The following KIF25 variants were observed in gnomAD, a reference collection of about 807,000 sequenced individuals.
KIF25 encodes the protein kinesin-like protein KIF25.
A neutral mutation model predicts 32.9 loss-of-function variants in KIF25; 19 were observed. The observed-to-expected ratio is 0.58, with a 90% CI of 0.40 to 0.85. The LOEUF is 0.85. KIF25 is among the 40% of genes least tolerant of loss of function. KIF25 has a pLI of 0.00. For synonymous variants in KIF25, 225 were observed against 213.7 expected, an observed-to-expected ratio of 1.05 and a Z score of -0.46; for missense variants, 485 against 507.0, an observed-to-expected ratio of 0.96 and a Z score of 0.42.
chr6:167,998,807 T>A lies in KIF25; in HGVS notation c.-662T>A, dbSNP rs896424437. On this transcript the variant is annotated 5_prime_UTR_variant, in exon 1 of 13. Coordinates refer to ENST00000643607, the MANE Select transcript of KIF25 (RefSeq NM_030615.4). ...TGGCTCATGCCTATAATCCCAGAAC[T>A]TTGGGAGGCCGAGGCGGGCGCATTA... 5 of 152,258 alleles carry A rather than the reference T, an allele frequency of 3.3e-5. No individual in the cohort carries two copies. The highest frequency in any genetic ancestry group is 1.9e-4 in the East Asian group (1 of 5,156). 9.4% of individuals were successfully genotyped at this position (152,258 alleles called of 1,614,324 possible).
At chr6:168,010,112 G>A (rs1430977003) in intron 4 of KIF25, among the ~76,000 whole-genome samples, 1 of 151,738 alleles carries the variant, frequency 6.6e-6, no homozygotes, top group South Asian at 2.1e-4. Flanking sequence ...GGTTTGATTT[G>A]TTCTTGCTTT....
At chr6:168,043,802 C>G (rs183365061) in intron 12 of KIF25, among the ~76,000 whole-genome samples, 2 of 152,208 alleles carry the variant, frequency 1.3e-5, no homozygotes, top group African/African-American at 4.8e-5. Flanking sequence ...TTTTCCTCCC[C>G]CTTAGCTCTC....
intron 9 of KIF25, among the ~76,000 whole-genome samples, 187 bp downstream of exon 9, chr6:168,038,916 T>A (rs1256729682): frequency 6.6e-6 from 1 of 152,198 alleles, no homozygotes; most frequent in African/African-American, 2.4e-5. Context: ...TTTTCATGCT[T>A]CGTATGTGTT....
intron 5 of KIF25, among the ~76,000 whole-genome samples, chr6:168,023,488 G>A (rs898983123): frequency 7.9e-5 from 12 of 152,090 alleles, no homozygotes; most frequent in African/African-American, 2.7e-4. Flanking sequence ...AGCAGGTCTT[G>A]AACTCCTGAC....
At chr6:168,027,684 C>T (rs539370682) in intron 5 of KIF25, among the ~76,000 whole-genome samples, 13 of 152,248 alleles carry the variant, frequency 8.5e-5, no homozygotes, top group Non-Finnish European at 7.4e-5. Flanking sequence ...CCCGGACAGC[C>T]GCGTGGGCAA....
At position 168,004,598 on chromosome 6, in the gene KIF25, C is replaced by A. The variant is rs565948256; in HGVS notation, c.-163+895C>A. 2.6e-5 allele frequency among the ~76,000 whole-genome samples: 4 copies of A among 152,190 alleles called. No individual in the cohort carries two copies. In the South Asian group the frequency reaches 6.2e-4, roughly 24 times the overall value. On this transcript the variant is annotated intron_variant, in intron 4 of 12. Coordinates refer to ENST00000643607, the MANE Select transcript of KIF25 (RefSeq NM_030615.4). ...TCAACAAATGATAAAACTGGAAAAC[C>A]ATCATTTGAAACCCCCAATGAAATG... is the stretch of plus-strand genomic sequence containing the variant.
chr6:168,011,019 G>A (rs1450030625), intron 4 of KIF25, among the ~76,000 whole-genome samples: 1 of 152,090 alleles, frequency 6.6e-6, no homozygotes, highest in Non-Finnish European at 1.5e-5. Flanking sequence ...GGTGAGGTGA[G>A]TTTCTTGTAG....
At chr6:168,041,893 C>G (rs1799124481) in intron 10 of KIF25, 76 bp from the exon 11 acceptor site, 1 of 1,446,454 alleles carries the variant, frequency 6.9e-7, no homozygotes, top group Non-Finnish European at 9.4e-7. Flanking sequence ...AGCTTCTCGG[C>G]TCTGACTGAG....
At position 168,042,635 on chromosome 6, in the gene KIF25, G is replaced by C; in HGVS notation, c.904G>C (p.Val302Leu). 2 of 1,613,848 alleles carry C rather than the reference G, an allele frequency of 1.2e-6. No homozygotes were observed. The highest frequency in any genetic ancestry group is 2.2e-5 in the South Asian group (2 of 91,070). ...ISRSLAALAG[V>L]LGALLEHRGH... ...CCGCAGCCTTGCGGCCCTGGCAGGCGTCCTGGGGGCTTTGTTGGAGCACCG... is the reference window on the plus strand; with the variant it reads ...CCGCAGCCTTGCGGCCCTGGCAGGCCTCCTGGGGGCTTTGTTGGAGCACCG... Residue 302 changes from valine to leucine, a missense_variant, in exon 12 of 13, where the codon GTC (valine) becomes CTC (leucine). By Grantham distance (32) the Val-to-Leu change is conservative. Coordinates refer to ENST00000643607, the MANE Select transcript of KIF25 (RefSeq NM_030615.4).
intron 5 of KIF25, among the ~76,000 whole-genome samples, chr6:168,024,011 C>T (rs1425082559): frequency 6.6e-6 from 1 of 152,140 alleles, no homozygotes; most frequent in Non-Finnish European, 1.5e-5. Flanking sequence ...ATTTAAAAAT[C>T]TCACTATGAA....
chr6:168,045,081 C>A lies in KIF25; in HGVS notation c.*85C>A. 7.5e-7 allele frequency: 1 copy of A among 1,336,486 alleles called. No individual in the cohort carries two copies. The highest frequency in any genetic ancestry group is 1.0e-6 in the Non-Finnish European group (1 of 990,334). The allele number at this position is 1,336,486 out of a possible 1,614,324, so 82.8% of individuals were successfully genotyped here. On this transcript the variant is annotated 3_prime_UTR_variant, in exon 13 of 13. Coordinates refer to ENST00000643607, the MANE Select transcript of KIF25 (RefSeq NM_030615.4). ...TGTGCTTAGAAATAAACAGGTTTCA[C>A]GTGGACTCAATAAACCTGGCTTTAT...
chr6:167,999,603 C>T (rs1479238145), intron 2 of KIF25, among the ~76,000 whole-genome samples: 2 of 152,184 alleles, frequency 1.3e-5, no homozygotes, highest in Non-Finnish European at 2.9e-5. Flanking sequence ...TCGTGGTTTG[C>T]CTCTGCGGGG....
intron 5 of KIF25, among the ~76,000 whole-genome samples, chr6:168,024,443 T>C (rs1798831543): frequency 6.9e-6 from 1 of 144,326 alleles, no homozygotes; most frequent in Non-Finnish European, 1.5e-5. Flanking sequence ...TTTTTTTTTT[T>C]TTTTTTTTTT....
rs539940914 is a variant in KIF25 at position 168,032,652 on chromosome 6, T to C, written c.168-1230T>C. 2.2e-3 allele frequency among the ~76,000 whole-genome samples: 335 copies of C among 152,320 alleles called. 3 individuals carry two copies. The highest frequency in any genetic ancestry group is 3.5e-3 in the Non-Finnish European group (241 of 68,026). On this transcript the variant is annotated intron_variant, in intron 7 of 12. Coordinates refer to ENST00000643607, the MANE Select transcript of KIF25 (RefSeq NM_030615.4). ...TTCCTGTCCTTTTCTAGGGGAGACT[T>C]AGATGTCAATCAGAACACTGTCTTG...
At chr6:168,000,274 C>T (rs1315474799) in intron 2 of KIF25, among the ~76,000 whole-genome samples, 1 of 118,022 alleles carries the variant, frequency 8.5e-6, no homozygotes, top group Non-Finnish European at 1.8e-5. Context: ...CGCCCTCCCT[C>T]CATAAACCTG....
chr6:168,029,349 C>T (rs1415473155), intron 5 of KIF25, 143 bp from the exon 6 acceptor site: 2 of 571,546 alleles, frequency 3.5e-6, no homozygotes, highest in Non-Finnish European at 5.8e-6. Context: ...ATTTCTAAAA[C>T]ACCAGCTGGA....
intron 4 of KIF25, among the ~76,000 whole-genome samples, chr6:168,004,278 G>T (rs115264376): frequency 6.6e-6 from 1 of 152,304 alleles, no homozygotes; most frequent in Non-Finnish European, 1.5e-5. Context: ...AGAACAGAAC[G>T]GGGGCTGTCC....
chr6:168,012,871 C>T (rs1426394313), intron 4 of KIF25, among the ~76,000 whole-genome samples: 1 of 152,054 alleles, frequency 6.6e-6, no homozygotes, highest in Non-Finnish European at 1.5e-5. Flanking sequence ...GCTCAGCTGG[C>T]CTGAGGTATA....
intron 4 of KIF25, among the ~76,000 whole-genome samples, chr6:168,015,044 C>A (rs1399525972): frequency 6.6e-6 from 1 of 152,192 alleles, no homozygotes; most frequent in African/African-American, 2.4e-5. Flanking sequence ...ATTTGATACA[C>A]CTGAGACAAA....
Sources: gnomAD v4.1 joint callset for allele counts (sites outside exome capture counted in the v4.1 genomes callset) on GRCh38, gnomAD v4.1.1 for gene constraint, MANE v1.5 for transcripts, NCBI Gene and HGNC (gene_info 2026-07-23, HGNC 2026-07-21) for gene names.